Variants in KRAS observed in about 807,000 individuals in gnomAD.
The protein encoded by KRAS is KRas proto-oncogene, GTPase.
KRAS carries 1 observed loss-of-function variant against 21.0 expected under a neutral mutation model. That is an observed-to-expected ratio of 0.05 (90% confidence interval 0.02 to 0.23). The LOEUF (loss-of-function observed/expected upper bound fraction) is 0.23. Ranked by LOEUF, KRAS falls within the 10% of genes least tolerant of loss-of-function variation. KRAS has a pLI of 1.00. For synonymous variants in KRAS, 67 were observed against 72.5 expected (o/e 0.92, Z 0.39); for missense variants, 107 against 221.8 (o/e 0.48, Z 3.29).
chr12:25,224,168 ACTC>A (rs1408390673), intron 4 of KRAS, among the ~76,000 whole-genome samples: 10 of 126,620 alleles, frequency 7.9e-5, no homozygotes, highest in East Asian at 4.3e-4. Flanking sequence ...TTTATAGTGT[ACTC>A]CTCCTATTTA....
chr12:25,220,618 T>A (rs935836122), intron 4 of KRAS, among the ~76,000 whole-genome samples: 2 of 151,574 alleles, frequency 1.3e-5, no homozygotes, highest in African/African-American at 2.4e-5. Context: ...TCCCAGCTAC[T>A]CAGGAGGCTG....
At chr12:25,227,686 A>G (rs1222806167) in intron 2 of KRAS, among the ~76,000 whole-genome samples, 2 of 152,096 alleles carry the variant, frequency 1.3e-5, no homozygotes, top group Non-Finnish European at 2.9e-5. Flanking sequence ...AAACAAAAAA[A>G]CTCAAAAAAT....
chr12:25,216,232 G>T (rs10842507), intron 4 of KRAS, among the ~76,000 whole-genome samples: 15,310 of 152,114 alleles, frequency 0.1, 1,136 homozygotes, highest in Non-Finnish European at 0.14. Context: ...ATGAATTAAA[G>T]GACACACACA....
intron 4 of KRAS, among the ~76,000 whole-genome samples, chr12:25,213,859 G>A (rs1010106996): frequency 3.9e-5 from 6 of 152,108 alleles, no homozygotes; most frequent in Non-Finnish European, 8.8e-5. Context: ...AGTTTAATAC[G>A]GGTTTAGAAA....
intron 4 of KRAS, among the ~76,000 whole-genome samples, chr12:25,222,174 A>AAGAAAAATAAAT (rs1951335739): frequency 6.7e-6 from 1 of 148,210 alleles, no homozygotes; most frequent in Admixed American, 6.7e-5. Flanking sequence ...GAAAGAAAGA[A>AAGAAAAATAAAT]AAATAAATAA....
chr12:25,234,890 A>C (rs2135793622), intron 2 of KRAS: 2 of 233,316 alleles, frequency 8.6e-6, no homozygotes, highest in East Asian at 1.3e-4. Context: ...TATACATTCC[A>C]AGTATAGATT....
At chr12:25,244,858 A>G (rs1951657751) in intron 2 of KRAS, among the ~76,000 whole-genome samples, 1 of 152,196 alleles carries the variant, frequency 6.6e-6, no homozygotes, top group Admixed American at 6.5e-5. Context: ...AATACTGCTG[A>G]TGAAGTTTAA....
chr12:25,243,688 C>A (rs1202295139), intron 2 of KRAS, among the ~76,000 whole-genome samples: 1 of 152,128 alleles, frequency 6.6e-6, no homozygotes, highest in Non-Finnish European at 1.5e-5. Context: ...TCCAAAATCC[C>A]AGGAAAACTT....
chr12:25,246,866 G>A (rs1481153767), intron 1 of KRAS, among the ~76,000 whole-genome samples: 3 of 148,272 alleles, frequency 2.0e-5, no homozygotes, highest in Admixed American at 6.7e-5. Flanking sequence ...GCAGTGAGCC[G>A]AGATCACGCC....
At chr12:25,240,424 G>A (rs957424644) in intron 2 of KRAS, among the ~76,000 whole-genome samples, 2 of 152,120 alleles carry the variant, frequency 1.3e-5, no homozygotes, top group Admixed American at 6.5e-5. Context: ...ATGAAGTTCC[G>A]AAAAGTAAAA....
At chr12:25,244,163 T>C (rs966946883) in intron 2 of KRAS, among the ~76,000 whole-genome samples, 1 of 152,170 alleles carries the variant, frequency 6.6e-6, no homozygotes, top group Non-Finnish European at 1.5e-5. Context: ...CACAGTACAG[T>C]ACGTTAATAA....
chr12:25,215,649 T>C, intron 4 of KRAS: 1 of 1,134,678 alleles, frequency 8.8e-7, no homozygotes. Context: ...TTTGAGATTA[T>C]GAGCTTGAGA....
At chr12:25,225,833 T>C (rs1482150385) in intron 3 of KRAS, 60 bp from the exon 4 acceptor site, 9 of 1,496,246 alleles carry the variant, frequency 6.0e-6, no homozygotes, top group Admixed American at 3.4e-5. Flanking sequence ...TTTCAAAACC[T>C]GTCCACAACT....
In KRAS at chr12:25,242,697, T is replaced by G. The variant is rs191461114; in HGVS notation, c.111+2577A>C. On this transcript the variant is annotated intron_variant, in intron 2 of 4. Coordinates refer to ENST00000311936, the MANE Select transcript of KRAS (RefSeq NM_004985.5). ...ATTAGATAGCAGGCTAAGTTCAAATTTTGGTATACTTACAAATCTGAATTA... is the reference window on the plus strand; with the variant it reads ...ATTAGATAGCAGGCTAAGTTCAAATGTTGGTATACTTACAAATCTGAATTA... Among the ~76,000 whole-genome samples the G allele has an allele frequency of 3.5e-4, 53 of 152,316 alleles. No individual in the cohort carries two copies. The East Asian group carries it at 8.5e-3, about 24-fold the overall frequency.
chr12:25,213,584 T>C (rs1951221909), intron 4 of KRAS, among the ~76,000 whole-genome samples: 1 of 152,198 alleles, frequency 6.6e-6, no homozygotes, highest in Non-Finnish European at 1.5e-5. Flanking sequence ...TGTTTCTGAG[T>C]TTAGTAGATT....
At chr12:25,227,553 G>A in intron 2 of KRAS, 141 bp from the exon 3 acceptor site, 1 of 703,912 alleles carries the variant, frequency 1.4e-6, no homozygotes, top group Non-Finnish European at 2.4e-6. Flanking sequence ...CTCCAAAGAT[G>A]ACGGACAAAT....
In KRAS at chr12:25,209,577, T is replaced by C. The variant is rs574414951; in HGVS notation, c.*218A>G. ...GTATTCAGTTTCTTTTTCACAGGCA[T>C]TGCTAGTTCAAAAACCAAAACTCTG... On this transcript the variant is annotated 3_prime_UTR_variant, in exon 5 of 5. Transcript: ENST00000311936. The C allele has an allele frequency of 4.5e-6, 6 of 1,339,720 alleles. No homozygotes were observed. The highest frequency in any genetic ancestry group is 2.9e-5 in the East Asian group (1 of 34,722). The allele number at this position is 1,339,720 out of a possible 1,614,324, so 83.0% of individuals were successfully genotyped here.
chr12:25,223,342 TAGA>T (rs1951351348), intron 4 of KRAS, among the ~76,000 whole-genome samples: 1 of 152,060 alleles, frequency 6.6e-6, no homozygotes, highest in Non-Finnish European at 1.5e-5. Flanking sequence ...TAATAAATAT[TAGA>T]ATCATGTTTT....
chr12:25,245,266 A>T lies in KRAS; in HGVS notation c.111+8T>A, dbSNP rs779370636. ...CACCAGTAATATGCATATTAAAACA[A>T]GATTTACCTCTATTGTTGGATCATA... is the stretch of plus-strand genomic sequence containing the variant. On this transcript the variant is annotated splice_region_variant and intron_variant, in intron 2 of 4. Transcript: ENST00000311936. The T allele has an allele frequency of 6.2e-7, 1 of 1,600,412 alleles. No homozygotes were observed. The highest frequency in any genetic ancestry group is 1.7e-5 in the Admixed American group (1 of 59,092).
Sources: gnomAD v4.1 joint callset for allele counts (sites outside exome capture counted in the v4.1 genomes callset) on GRCh38, gnomAD v4.1.1 for gene constraint, MANE v1.5 for transcripts, NCBI Gene and HGNC (gene_info 2026-07-23, HGNC 2026-07-21) for gene names.